Variants in CXorf66 observed in about 807,000 individuals in gnomAD.
The protein encoded by CXorf66 is chromosome X open reading frame 66, also known as uncharacterized protein CXorf66.
Under a neutral mutation model 5.0 loss-of-function variants are expected in CXorf66, and 6 were observed. The ratio of observed to expected loss-of-function variants is 1.20; its 90% CI spans 0.65 to 2.36. CXorf66 has a LOEUF of 2.36. Ranked by LOEUF, CXorf66 falls within the 30% of genes most tolerant of loss-of-function variation. CXorf66 has a pLI of 0.00. For synonymous variants in CXorf66, 98 were observed against 102.8 expected, an observed-to-expected ratio of 0.95 and a Z score of 0.28; for missense variants, 270 against 254.9, an observed-to-expected ratio of 1.06 and a Z score of -0.40.
chrX:139,963,352 C>A (rs781159897), intron 1 of CXorf66, among the ~76,000 whole-genome samples: 2 of 111,596 alleles, frequency 1.8e-5, no homozygotes, highest in East Asian at 2.8e-4. Flanking sequence ...ATACAACTTA[C>A]AAGAGATGTG....
Position 139,965,504 on chromosome X carries a change from A to G in CXorf66, c.-8T>C, listed in dbSNP as rs771601810. The G allele has an allele frequency of 6.0e-6, 7 of 1,170,706 alleles. No homozygotes were observed. The African/African-American group carries it at 7.1e-5, about 12-fold the overall frequency. On this transcript the variant is annotated 5_prime_UTR_variant, in exon 1 of 3. Transcript: ENST00000370540. ...ACAAATAACAAGATTCATGTCCGCA[A>G]CTTGGTTCAAATGATTTGTCTACTA...
rs756797759 is a variant in CXorf66, at chrX:139,956,586, G to A, written c.396C>T (p.Ser132=). The part of the protein sequence containing the change: ...SSSPERASAQ[S]STEKLIRPSS... ...AGGGTCTGATTAATTTTTCTGTGCT[G>A]GATTGTGCGGATGCCCTTTCTGGAC... Residue 132 remains serine (S), a synonymous_variant, in exon 3 of 3, where the codon TCC becomes TCT. Transcript: ENST00000370540. 1 of 1,210,783 alleles carries A rather than the reference G, an allele frequency of 8.3e-7. No homozygotes were observed. The highest frequency in any genetic ancestry group is 1.8e-5 in the South Asian group (1 of 56,943).
chrX:139,957,043 G>T (rs748812887), intron 2 of CXorf66, among the ~76,000 whole-genome samples: 5 of 110,864 alleles, frequency 4.5e-5, no homozygotes, highest in African/African-American at 1.6e-4. Context: ...GCGCACACCT[G>T]TAGTCCCCAG....
intron 1 of CXorf66, among the ~76,000 whole-genome samples, 177 bp downstream of exon 1, chrX:139,965,232 A>T (rs1006459868): frequency 1.8e-5 from 2 of 111,443 alleles, no homozygotes; most frequent in Non-Finnish European, 3.8e-5. Flanking sequence ...TGATGCTTAT[A>T]TTTTGCTTAA....
intron 1 of CXorf66, among the ~76,000 whole-genome samples, chrX:139,964,917 G>T (rs1251940160): frequency 1.8e-5 from 2 of 109,197 alleles, no homozygotes; most frequent in African/African-American, 6.7e-5. Flanking sequence ...TGTTGTGGGG[G>T]TTGGGGGCAA....
chrX:139,960,048 AG>A (rs1169892686), intron 1 of CXorf66, among the ~76,000 whole-genome samples: 13 of 110,899 alleles, frequency 1.2e-4, no homozygotes, highest in Non-Finnish European at 2.1e-4. Context: ...CTCTCCAGCA[AG>A]GGCACAAAAC....
intron 1 of CXorf66, among the ~76,000 whole-genome samples, chrX:139,961,813 G>A (rs1380757821): frequency 1.8e-5 from 2 of 111,867 alleles, no homozygotes; most frequent in Admixed American, 9.6e-5. Flanking sequence ...ACCTGCTCCT[G>A]AATGACCGCT....
chrX:139,961,233 A>C (rs1423720834), intron 1 of CXorf66, among the ~76,000 whole-genome samples: 2 of 111,977 alleles, frequency 1.8e-5, no homozygotes, highest in African/African-American at 6.5e-5. Context: ...GGAATGGAGG[A>C]ATATTTACCA....
rs971135596 is a variant in CXorf66 at position 139,965,337 on chromosome X, C to T, written c.88+72G>A. On this transcript the variant is annotated intron_variant, in intron 1 of 2. Transcript: ENST00000370540. ...CAGCAGATTTCTTAAATACAGCTGG[C>T]GTTTCTAATTAAATACTTTAATGTA... 35 of 699,444 alleles carry T rather than the reference C, an allele frequency of 5.0e-5. No individual in the cohort carries two copies. In the Admixed American group the frequency reaches 8.5e-4, roughly 17 times the overall value. 57.6% of individuals were successfully genotyped at this position (699,444 alleles called of 1,213,427 possible). A position where few individuals can be genotyped will look rare whatever the true frequency, so the allele number is the denominator to read the frequency against.
intron 2 of CXorf66, among the ~76,000 whole-genome samples, chrX:139,957,354 A>AACACAC (rs772606751): frequency 9.3e-5 from 10 of 108,044 alleles, no homozygotes; most frequent in African/African-American, 3.0e-4. Context: ...AAAAGAGAGA[A>AACACAC]ACACACACAC....
rs144830583 is a variant in CXorf66, at chrX:139,958,407, C to T, written c.89-190G>A. The stretch of plus-strand genomic sequence containing the variant: ...TCCAGAAGCTAAATCTGGGAGGCAT[C>T]GCTGACTAATCCATACCATTACCTG... On this transcript the variant is annotated intron_variant, in intron 1 of 2. Coordinates refer to ENST00000370540, the MANE Select transcript of CXorf66 (RefSeq NM_001013403.3). Among the ~76,000 whole-genome samples, 361 of 111,859 alleles carry T rather than the reference C, an allele frequency of 3.2e-3. 1 individual carries two copies. Among genetic ancestry groups the T allele is most frequent in the African/African-American group, 0.011 (336 of 30,795 alleles).
At chrX:139,958,483 CTGTG>C (rs893526936) in intron 1 of CXorf66, among the ~76,000 whole-genome samples, 2 of 110,917 alleles carry the variant, frequency 1.8e-5, no homozygotes, top group African/African-American at 6.6e-5. Flanking sequence ...GTTTTTGAAT[CTGTG>C]TGTGTGTGTC....
Position 139,956,239 on chromosome X carries a change from G to A in CXorf66, c.743C>T (p.Ser248Leu). ...TAAGGCTGCCCTGCCTAGACTCACTGACCTTTTTGGATTAAAATGTTTGGG... is the reference window on the plus strand; with the variant it reads ...TAAGGCTGCCCTGCCTAGACTCACTAACCTTTTTGGATTAAAATGTTTGGG... Reference protein sequence around the residue: ...KPPKHFNPKRSVSLGRAALLS... With the variant: ...KPPKHFNPKRLVSLGRAALLS... The change falls in exon 3 of 3, where the codon TCA becomes TTA. Residue 248 changes from serine to leucine, a missense_variant. Transcript: ENST00000370540. The A allele has an allele frequency of 8.3e-7, 1 of 1,211,660 alleles. No individual in the cohort carries two copies. Among genetic ancestry groups the A allele is most frequent in the Non-Finnish European group, 1.1e-6 (1 of 895,427 alleles).
At chrX:139,963,692 A>G (rs1214973816) in intron 1 of CXorf66, among the ~76,000 whole-genome samples, 5 of 86,284 alleles carry the variant, frequency 5.8e-5, no homozygotes, top group African/African-American at 2.6e-4. Flanking sequence ...CCAAAACAGT[A>G]TGGTGCTGGT....
In CXorf66 at chrX:139,955,757, A is replaced by T. The variant is rs191143232; in HGVS notation, c.*139T>A. On this transcript the variant is annotated 3_prime_UTR_variant, in exon 3 of 3. Transcript: ENST00000370540. The stretch of plus-strand genomic sequence containing the variant: ...TGTCATGCATTTTATTGATATTTTT[A>T]AAATAAATCGCCTCCAAGACAGATA... 664 of 471,958 alleles carry T rather than the reference A, an allele frequency of 1.4e-3. 2 individuals are homozygous for T. In the African/African-American group the frequency reaches 0.014, roughly 10 times the overall value. 38.9% of individuals were successfully genotyped at this position (471,958 alleles called of 1,213,427 possible).
At position 139,956,667 on chromosome X, in the gene CXorf66, G is replaced by T; in HGVS notation, c.315C>A (p.Cys105Ter). Residue 105 changes from cysteine (C) to a stop codon, truncating the protein, a stop_gained, in exon 3 of 3, where the codon TGC becomes TGA. Transcript: ENST00000370540. LOFTEE classifies it low-confidence loss of function (END_TRUNC). ...SFSEAKTASQ[C>*]SPETQPMLST... Reference sequence around the variant, plus strand: ...ATAGCATGGGTTGTGTTTCTGGACTGCATTGAGAGGCTGTCTTGGCTTCAC... The same window carrying T: ...ATAGCATGGGTTGTGTTTCTGGACTTCATTGAGAGGCTGTCTTGGCTTCAC... The T allele has an allele frequency of 8.3e-7, 1 of 1,209,821 alleles. No individual in the cohort carries two copies. Among genetic ancestry groups the T allele is most frequent in the Non-Finnish European group, 1.1e-6 (1 of 893,808 alleles).
chrX:139,957,616 G>C (rs989880475), intron 2 of CXorf66, among the ~76,000 whole-genome samples: 2 of 111,616 alleles, frequency 1.8e-5, no homozygotes, highest in African/African-American at 6.5e-5. Context: ...GATATTTTTA[G>C]GGAACTAGTA....
rs144185735 is a variant in CXorf66 at position 139,956,687 on chromosome X, C to T, written c.295G>A (p.Ala99Thr). 5.0e-4 allele frequency: 605 copies of T among 1,208,382 alleles called. 2 individuals are homozygous for T. The African/African-American group carries it at 9.5e-3, about 19-fold the overall frequency. ...GGACTGCATTGAGAGGCTGTCTTGG[C>T]TTCACTGAATGATGTTTTAGATGAC... ...AKSSKTSFSE[A>T]KTASQCSPET... The change falls in exon 3 of 3, where the codon GCC becomes ACC. Residue 99 changes from alanine (A) to threonine (T), a missense_variant. Physicochemically the swap from Ala to Thr is moderately conservative, Grantham distance 58. Transcript: ENST00000370540.
rs187101916 is a variant in CXorf66 at position 139,965,101 on chromosome X, C to A, written c.88+308G>T. ...AAAAAAAACAAAAAACAAAAATAAA[C>A]CCCTACTGTATGTTAAGTCCCTTGC... On this transcript the variant is annotated intron_variant, in intron 1 of 2. Coordinates refer to ENST00000370540, the MANE Select transcript of CXorf66 (RefSeq NM_001013403.3). 3.9e-3 allele frequency among the ~76,000 whole-genome samples: 429 copies of A among 111,313 alleles called. 2 individuals carry two copies. The highest frequency in any genetic ancestry group is 0.013 in the African/African-American group (383 of 30,599).
Sources: allele counts gnomAD v4.1 joint callset (sites outside exome capture counted in the v4.1 genomes callset), GRCh38; gene constraint gnomAD v4.1.1; transcripts MANE v1.5; gene names NCBI Gene and HGNC (gene_info 2026-07-23, HGNC 2026-07-21).